PSMG2: variants seen among roughly 807,000 people sequenced by gnomAD.
The protein encoded by PSMG2 is CD40 ligand-activated specific transcript 3.
Under a neutral mutation model 31.5 loss-of-function variants are expected in PSMG2, and 21 were observed. The observed-to-expected ratio is 0.67, with a 90% CI of 0.47 to 0.96. The LOEUF (loss-of-function observed/expected upper bound fraction) is 0.96, where lower values mean the gene tolerates loss of function less well. Ranked by LOEUF, PSMG2 falls within the 40% of genes least tolerant of loss-of-function variation. The probability of loss-of-function intolerance (pLI) is 0.00; values close to 1 mark genes in which losing one functional copy is unlikely to be tolerated. For missense variants in PSMG2, 318 were observed against 321.2 expected (o/e 0.99, Z 0.08); for synonymous variants, 120 against 110.4 (o/e 1.09, Z -0.54).
intron 1 of PSMG2, chr18:12,684,800 GTTTGT>G (rs2145038772): frequency 6.6e-6 from 1 of 151,638 alleles, no homozygotes; most frequent in Admixed American, 6.6e-5. Flanking sequence ...AGTTTTACTT[GTTTGT>G]TATCATACTA....
At chr18:12,678,149 A>G (rs370425822) in intron 1 of PSMG2, 8 of 1,613,758 alleles carry the variant, frequency 5.0e-6, no homozygotes, top group Admixed American at 1.7e-5. Flanking sequence ...CTGCATTTCA[A>G]TTTCATTACT....
chr18:12,676,526 C>T (rs951313029), intron 1 of PSMG2, among the ~76,000 whole-genome samples: 19 of 152,056 alleles, frequency 1.2e-4, no homozygotes, highest in Admixed American at 1.2e-3. Flanking sequence ...CCACCCATCT[C>T]AGCCTCCCAA....
chr18:12,711,307 A>G (rs1289134704), intron 2 of PSMG2, among the ~76,000 whole-genome samples: 3 of 152,046 alleles, frequency 2.0e-5, no homozygotes, highest in Non-Finnish European at 4.4e-5. Flanking sequence ...TGATGAGGAG[A>G]GTATTGCTAT....
intron 1 of PSMG2, among the ~76,000 whole-genome samples, chr18:12,705,568 A>AGTGTGT (rs1356391959): frequency 2.1e-4 from 27 of 126,824 alleles, no homozygotes; most frequent in East Asian, 7.4e-4. Flanking sequence ...AGAGAGAGAG[A>AGTGTGT]GAGAGAGAGT....
chr18:12,724,573 G>C lies in PSMG2; in HGVS notation c.656G>C (p.Gly219Ala). ...GGGGACAACATCCCAGATGCATTAG[G>C]TCTTGTTGAGTATCTTAATGAGTGG... ...SEGDNIPDALGLVEYLNEWLQ... is the reference protein window; with the variant it reads ...SEGDNIPDALALVEYLNEWLQ... Residue 219 changes from glycine to alanine, a missense_variant, in exon 6 of 7, where the codon GGT becomes GCT. Physicochemically the swap from Gly to Ala is moderately conservative, Grantham distance 60. Transcript: ENST00000317615. 6.2e-7 allele frequency: 1 copy of C among 1,611,094 alleles called. No individual in the cohort carries two copies. Among genetic ancestry groups the C allele is most frequent in the Non-Finnish European group, 8.5e-7 (1 of 1,178,812 alleles).
intron 1 of PSMG2, among the ~76,000 whole-genome samples, chr18:12,695,707 A>C (rs1269634738): frequency 1.3e-5 from 2 of 152,058 alleles, no homozygotes; most frequent in African/African-American, 2.4e-5. Context: ...GAGCCACTAC[A>C]CCTGGCTTTT....
intron 1 of PSMG2, among the ~76,000 whole-genome samples, chr18:12,704,793 T>A (rs991807860): frequency 3.3e-5 from 5 of 151,956 alleles, no homozygotes; most frequent in African/African-American, 1.2e-4. Context: ...AAAAGAAGGA[T>A]GGTACAGAAG....
chr18:12,668,597 C>CAAAAAAAA lies in PSMG2; in HGVS notation c.-37+9849_-37+9856dup, dbSNP rs752216074. Among the ~76,000 whole-genome samples the CAAAAAAAA allele has an allele frequency of 3.5e-3, 252 of 72,756 alleles. 3 individuals are homozygous for CAAAAAAAA. Among genetic ancestry groups the CAAAAAAAA allele is most frequent in the Middle Eastern group, 9.8e-3 (1 of 102 alleles). The allele number at this position is 72,756 out of a possible 152,430, so 47.7% of individuals were successfully genotyped here. ...TGGGAGACAGAGTAAGATTCCATCTCAAAAAAAAAAAAAAAAAAAAAAAAA... is the reference window on the plus strand; with the variant it reads ...TGGGAGACAGAGTAAGATTCCATCTCAAAAAAAAAAAAAAAAAAAAAAAAAAAAAAAAA... On this transcript the variant is annotated intron_variant, in intron 1 of 6. Coordinates refer to the PSMG2 transcript ENST00000585331.
rs1568009650 is a variant in PSMG2 at position 12,674,471 on chromosome 18, A to C, written c.-37+15698A>C. 4 of 1,218,884 alleles carry C rather than the reference A, an allele frequency of 3.3e-6. No homozygotes were observed. In the East Asian group the frequency reaches 9.4e-5, roughly 29 times the overall value. The allele number at this position is 1,218,884 out of a possible 1,614,324, so 75.5% of individuals were successfully genotyped here. A position where few individuals can be genotyped will look rare whatever the true frequency, so the allele number is the denominator to read the frequency against. Reference sequence around the variant, plus strand: ...AAAAAAAAAAAAGGAAATTAAAAAAACCCCTGCCGGACTGATCTGTAAGAC... The same window carrying C: ...AAAAAAAAAAAAGGAAATTAAAAAACCCCCTGCCGGACTGATCTGTAAGAC... On this transcript the variant is annotated intron_variant, in intron 1 of 6. Transcript: ENST00000585331.
At chr18:12,682,135 G>T (rs79180614) in intron 1 of PSMG2, among the ~76,000 whole-genome samples, 1,706 of 152,232 alleles carry the variant, frequency 0.011, 39 homozygotes, top group African/African-American at 0.039. Flanking sequence ...ATAACTATTT[G>T]AGTTGAGTGT....
chr18:12,724,751 A>G (rs1002983830), intron 6 of PSMG2, 132 bp downstream of exon 6: 6 of 1,045,976 alleles, frequency 5.7e-6, no homozygotes, highest in Non-Finnish European at 7.5e-6. Flanking sequence ...CATAAAATTT[A>G]GTTTAAGCTG....
chr18:12,723,419 TAGATATA>T (rs1350054691), intron 5 of PSMG2, among the ~76,000 whole-genome samples: 3 of 152,136 alleles, frequency 2.0e-5, no homozygotes, highest in Non-Finnish European at 4.4e-5. Flanking sequence ...GAGACCTTAC[TAGATATA>T]GAACTTTGGG....
intron 1 of PSMG2, chr18:12,678,309 C>T (rs1024942795): frequency 1.1e-5 from 18 of 1,614,044 alleles, no homozygotes; most frequent in Non-Finnish European, 1.5e-5. Flanking sequence ...CAGGTTTCTA[C>T]TGCATCAGAG....
upstream of PSMG2, chr18:12,702,500 G>A (rs754604227): frequency 1.2e-6 from 2 of 1,609,656 alleles, no homozygotes; most frequent in Non-Finnish European, 1.7e-6. Context: ...CTCAGCTGCT[G>A]GTGGATGAGC....
At chr18:12,714,555 G>A (rs76308473) in intron 3 of PSMG2, among the ~76,000 whole-genome samples, 2 of 149,514 alleles carry the variant, frequency 1.3e-5, no homozygotes, top group South Asian at 2.1e-4. Flanking sequence ...ATGCAGTGGC[G>A]TGATCTTGGC....
chr18:12,702,569 C>T, upstream of PSMG2: 2 of 1,587,668 alleles, frequency 1.3e-6, no homozygotes, highest in Non-Finnish European at 1.7e-6. Flanking sequence ...GGCGTCTCCC[C>T]GCCGCTTCTC....
intron 3 of PSMG2, among the ~76,000 whole-genome samples, chr18:12,714,696 T>A (rs2040362066): frequency 6.6e-6 from 1 of 151,680 alleles, no homozygotes; most frequent in Admixed American, 6.6e-5. Flanking sequence ...GGTTTCGCCA[T>A]GTTGCCCAGG....
upstream of PSMG2, chr18:12,700,237 G>A (rs1001027457): frequency 5.9e-6 from 1 of 170,890 alleles, no homozygotes; most frequent in Admixed American, 6.3e-5. Context: ...ATTCCACTAT[G>A]AGCTGATTTT....
At chr18:12,702,670 G>C, upstream of PSMG2, 2 of 1,141,174 alleles carry the variant, frequency 1.8e-6, no homozygotes, top group East Asian at 2.8e-5. Context: ...CGTTCGCCTA[G>C]CGCAGCTCCC....
Sources: gnomAD v4.1 joint callset for allele counts (sites outside exome capture counted in the v4.1 genomes callset) on GRCh38, gnomAD v4.1.1 for gene constraint, MANE v1.5 for transcripts, NCBI Gene and HGNC (gene_info 2026-07-23, HGNC 2026-07-21) for gene names.